Variants in FGF7 observed in about 807,000 individuals in gnomAD.
FGF7 encodes the protein FGF-7.
A neutral mutation model predicts 20.5 loss-of-function variants in FGF7; 6 were observed. The observed-to-expected ratio is 0.29, with a 90% confidence interval of 0.16 to 0.58. The LOEUF (loss-of-function observed/expected upper bound fraction) is 0.58. Ranked by LOEUF, FGF7 falls within the 20% of genes least tolerant of loss-of-function variation. The probability of loss-of-function intolerance (pLI) is 0.90; values close to 1 mark genes in which losing one functional copy is unlikely to be tolerated. For synonymous variants in FGF7, 64 were observed against 74.7 expected (o/e 0.86, Z 0.74); for missense variants, 144 against 228.8 (o/e 0.63, Z 2.39).
At chr15:49,473,601 T>C (rs1189287762) in intron 2 of FGF7, among the ~76,000 whole-genome samples, 2 of 152,086 alleles carry the variant, frequency 1.3e-5, no homozygotes, top group East Asian at 3.9e-4. Flanking sequence ...TTTGGAGGGG[T>C]ATAATGACTC....
intron 2 of FGF7, among the ~76,000 whole-genome samples, chr15:49,463,301 C>A (rs982417576): frequency 1.3e-5 from 2 of 152,178 alleles, no homozygotes; most frequent in African/African-American, 4.8e-5. Context: ...CACCTGTAAT[C>A]CCAGCACTCT....
chr15:49,461,189 C>T (rs911024906), intron 2 of FGF7, among the ~76,000 whole-genome samples: 7 of 152,178 alleles, frequency 4.6e-5, no homozygotes, highest in Non-Finnish European at 8.8e-5. Flanking sequence ...CTTTTCTCTT[C>T]CTTACTACTT....
At chr15:49,458,795 A>T (rs1251469799) in intron 2 of FGF7, among the ~76,000 whole-genome samples, 1 of 152,134 alleles carries the variant, frequency 6.6e-6, no homozygotes, top group Non-Finnish European at 1.5e-5. Context: ...TATAAATTCA[A>T]TTTATAAACA....
chr15:49,443,923 G>C lies in FGF7; in HGVS notation c.286+19340G>C, dbSNP rs561100214. Among the ~76,000 whole-genome samples the C allele has an allele frequency of 1.6e-4, 21 of 134,346 alleles. No homozygotes were observed. The East Asian group carries it at 5.4e-3, about 35-fold the overall frequency. The allele number at this position is 134,346 out of a possible 152,430, so 88.1% of individuals were successfully genotyped here. On this transcript the variant is annotated intron_variant, in intron 2 of 3. Transcript: ENST00000267843. Reference sequence around the variant, plus strand: ...ATATGTACACTTTTTTTCCCTGAGAGTCAGTTGTTAAACATTTACATCATG... The same window carrying C: ...ATATGTACACTTTTTTTCCCTGAGACTCAGTTGTTAAACATTTACATCATG...
chr15:49,465,079 A>T (rs979134664), intron 2 of FGF7, among the ~76,000 whole-genome samples: 1 of 152,130 alleles, frequency 6.6e-6, no homozygotes, highest in Non-Finnish European at 1.5e-5. Flanking sequence ...ATAAGAACAG[A>T]GGCTTGGATA....
chr15:49,451,727 CT>C (rs2052763035), intron 2 of FGF7, among the ~76,000 whole-genome samples: 1 of 151,940 alleles, frequency 6.6e-6, no homozygotes, highest in Non-Finnish European at 1.5e-5. Flanking sequence ...AATTTGAAGC[CT>C]TTATTGGGGA....
chr15:49,467,826 C>T (rs1340012679), intron 2 of FGF7, among the ~76,000 whole-genome samples: 2 of 151,996 alleles, frequency 1.3e-5, no homozygotes, highest in Admixed American at 6.6e-5. Flanking sequence ...AAGGTGGGTC[C>T]CTTGCATTCC....
chr15:49,436,311 T>C (rs1039797526), intron 2 of FGF7, among the ~76,000 whole-genome samples: 6 of 151,622 alleles, frequency 4.0e-5, no homozygotes, highest in African/African-American at 1.5e-4. Flanking sequence ...AGATATTGCA[T>C]AGTAGGTCTG....
At chr15:49,459,720 C>A (rs1175141658) in intron 2 of FGF7, among the ~76,000 whole-genome samples, 1 of 152,098 alleles carries the variant, frequency 6.6e-6, no homozygotes, top group Non-Finnish European at 1.5e-5. Flanking sequence ...GGGGCCAAAA[C>A]CAGGCTATAG....
At chr15:49,433,155 G>T (rs964386140) in intron 2 of FGF7, among the ~76,000 whole-genome samples, 1 of 151,330 alleles carries the variant, frequency 6.6e-6, no homozygotes, top group Non-Finnish European at 1.5e-5. Context: ...ATTCTTCAAA[G>T]AAATCAATTA....
chr15:49,439,843 C>A (rs974683119), intron 2 of FGF7, among the ~76,000 whole-genome samples: 4 of 151,684 alleles, frequency 2.6e-5, no homozygotes, highest in African/African-American at 9.7e-5. Flanking sequence ...GAAACAAAGA[C>A]AACTCCACTC....
intron 2 of FGF7, among the ~76,000 whole-genome samples, chr15:49,451,889 C>T (rs939148502): frequency 2.6e-5 from 4 of 152,042 alleles, no homozygotes; most frequent in Admixed American, 6.6e-5. Context: ...ATTTTACATG[C>T]GGTTCTTCCA....
At chr15:49,471,425 G>A (rs2054740140) in intron 2 of FGF7, among the ~76,000 whole-genome samples, 1 of 151,286 alleles carries the variant, frequency 6.6e-6, no homozygotes, top group Admixed American at 6.6e-5. Context: ...GGAGGTTGTA[G>A]TGCACCTAGA....
chr15:49,455,029 G>A (rs540708960), intron 2 of FGF7, among the ~76,000 whole-genome samples: 1 of 152,286 alleles, frequency 6.6e-6, no homozygotes, highest in African/African-American at 2.4e-5. Flanking sequence ...ACAGCAGTAT[G>A]ATTTAAAGTG....
chr15:49,450,348 G>A (rs1370391170), intron 2 of FGF7, among the ~76,000 whole-genome samples: 1 of 151,924 alleles, frequency 6.6e-6, no homozygotes, highest in Non-Finnish European at 1.5e-5. Context: ...TGACTGTCTA[G>A]AGTTCATTTC....
In FGF7 at chr15:49,488,036, A is replaced by G. The variant is rs2056550528; in HGVS notation, c.*3532A>G. The G allele has an allele frequency of 6.6e-6, 1 of 151,956 alleles. No homozygotes were observed. Among genetic ancestry groups the G allele is most frequent in the Non-Finnish European group, 1.5e-5 (1 of 67,918 alleles). 9.4% of individuals were successfully genotyped at this position (151,956 alleles called of 1,614,324 possible). A position where few individuals can be genotyped will look rare whatever the true frequency, so the allele number is the denominator to read the frequency against. On this transcript the variant is annotated 3_prime_UTR_variant, in exon 4 of 4. Coordinates refer to ENST00000267843, the MANE Select transcript of FGF7 (RefSeq NM_002009.4). ...TTCACCACGCATAGGAGTGATAACA[A>G]AAATATTTAACAGTCAGTATGGGTG...
At chr15:49,453,690 G>A (rs2052996413) in intron 2 of FGF7, among the ~76,000 whole-genome samples, 2 of 152,116 alleles carry the variant, frequency 1.3e-5, no homozygotes, top group Non-Finnish European at 2.9e-5. Context: ...CCCACGTGCT[G>A]TTTAATCTGA....
intron 2 of FGF7, among the ~76,000 whole-genome samples, chr15:49,464,539 T>C (rs1360682339): frequency 6.6e-6 from 1 of 152,168 alleles, no homozygotes; most frequent in Non-Finnish European, 1.5e-5. Flanking sequence ...TATATATAGG[T>C]AGGCAAAAAA....
intron 2 of FGF7, among the ~76,000 whole-genome samples, chr15:49,446,132 T>A (rs2052184496): frequency 6.6e-6 from 1 of 151,594 alleles, no homozygotes; most frequent in Non-Finnish European, 1.5e-5. Flanking sequence ...GTATTATAAT[T>A]GGGAGTAGGC....
Sources: gnomAD v4.1 joint callset for allele counts (sites outside exome capture counted in the v4.1 genomes callset) on GRCh38, gnomAD v4.1.1 for gene constraint, MANE v1.5 for transcripts, NCBI Gene and HGNC (gene_info 2026-07-23, HGNC 2026-07-21) for gene names.